RIC3: variants seen among roughly 807,000 people sequenced by gnomAD.
RIC3 encodes the protein protein RIC-3.
Under a neutral mutation model 27.3 loss-of-function variants are expected in RIC3, and 28 were observed. That is an observed-to-expected ratio of 1.02 (90% CI 0.76 to 1.41). The LOEUF (loss-of-function observed/expected upper bound fraction) is 1.41, where lower values mean the gene tolerates loss of function less well. Among genes scored for constraint, RIC3 ranks in the 40% most tolerant of loss-of-function variants. RIC3 has a pLI of 0.00. For synonymous variants in RIC3, 184 were observed against 160.4 expected, an observed-to-expected ratio of 1.15 and a Z score of -1.11; for missense variants, 501 against 444.7, an observed-to-expected ratio of 1.13 and a Z score of -1.14.
In RIC3 at chr11:8,115,537, G is replaced by A. The variant is rs796244504; in HGVS notation, c.671-4400C>T. 8.3e-4 allele frequency among the ~76,000 whole-genome samples: 126 copies of A among 152,254 alleles called. 1 individual carries two copies. The highest frequency in any genetic ancestry group is 3.0e-3 in the African/African-American group (123 of 41,550). Reference sequence around the variant, plus strand: ...TATATGAAAGTATAGGCTAGGTGCGGTGGCTAACGCCTGTAATCCCAGCAC... The same window carrying A: ...TATATGAAAGTATAGGCTAGGTGCGATGGCTAACGCCTGTAATCCCAGCAC... On this transcript the variant is annotated intron_variant, in intron 5 of 5. Coordinates refer to ENST00000309737, the MANE Select transcript of RIC3 (RefSeq NM_001206671.4).
chr11:8,101,858 C>CCA, downstream of RIC3: 2 of 479,310 alleles, frequency 4.2e-6, no homozygotes, highest in South Asian at 3.7e-5. Context: ...CTTTCCATGC[C>CCA]ACGAGATCAA....
chr11:8,134,786 A>T (rs927658409), intron 4 of RIC3, among the ~76,000 whole-genome samples: 8 of 152,080 alleles, frequency 5.3e-5, no homozygotes, highest in African/African-American at 1.9e-4. Flanking sequence ...TGGCTGCATA[A>T]ATGTCTTCTT....
At chr11:8,138,817 TC>T in intron 2 of RIC3, 1 of 236,842 alleles carries the variant, frequency 4.2e-6, no homozygotes, top group Admixed American at 4.9e-5. Flanking sequence ...TTCTCAGCAT[TC>T]CACAAGTTAG....
At chr11:8,101,853 C>T (rs1298816905), downstream of RIC3, 1 of 581,756 alleles carries the variant, frequency 1.7e-6, no homozygotes, top group African/African-American at 1.9e-5. Flanking sequence ...TAATTCTTTC[C>T]ATGCCACGAG....
chr11:8,112,677 C>T (rs558088290), intron 5 of RIC3, among the ~76,000 whole-genome samples: 13 of 152,110 alleles, frequency 8.5e-5, no homozygotes, highest in Non-Finnish European at 1.6e-4. Flanking sequence ...TTTTTCAATT[C>T]AACATTATAT....
intron 4 of RIC3, among the ~76,000 whole-genome samples, chr11:8,132,790 A>G (rs745608544): frequency 8.5e-5 from 13 of 152,202 alleles, no homozygotes; most frequent in Non-Finnish European, 1.3e-4. Context: ...CTTTACCCCC[A>G]GAAACCCAGA....
the RIC3 span, chr11:8,097,249 C>T: frequency 6.2e-7 from 1 of 1,614,118 alleles, no homozygotes; most frequent in Non-Finnish European, 8.5e-7. Context: ...AGCCCCTAGC[C>T]CAACAGCTCC....
At chr11:8,149,749 T>TG (rs1225344360) in intron 1 of RIC3, among the ~76,000 whole-genome samples, 2 of 152,212 alleles carry the variant, frequency 1.3e-5, no homozygotes, top group African/African-American at 2.4e-5. Context: ...TATGACGGGA[T>TG]GGGGGGTTCA....
At chr11:8,147,245 A>G (rs553460144) in intron 1 of RIC3, among the ~76,000 whole-genome samples, 1 of 152,326 alleles carries the variant, frequency 6.6e-6, no homozygotes, top group South Asian at 2.1e-4. Context: ...ATGTCTCCCT[A>G]AAATGTATAA....
At chr11:8,101,955 G>A (rs1304809654), downstream of RIC3, 3 of 313,042 alleles carry the variant, frequency 9.6e-6, no homozygotes, top group Non-Finnish European at 1.8e-5. Context: ...GCCGCAAGAG[G>A]CATAGAGGGA....
downstream of RIC3, chr11:8,101,866 C>T (rs1944323072): frequency 1.1e-5 from 6 of 551,598 alleles, no homozygotes; most frequent in African/African-American, 9.5e-5. Flanking sequence ...GCCACGAGAT[C>T]AACACACACT....
intron 4 of RIC3, chr11:8,128,255 A>G (rs755753361): frequency 6.9e-5 from 31 of 451,732 alleles, no homozygotes; most frequent in Non-Finnish European, 4.4e-5. Flanking sequence ...CAGGCGGCAC[A>G]TGTTACTTTT....
At chr11:8,150,733 G>A (rs191850622) in intron 1 of RIC3, among the ~76,000 whole-genome samples, 287 of 152,320 alleles carry the variant, frequency 1.9e-3, no homozygotes, top group Non-Finnish European at 3.2e-3. Context: ...AGGCAACTGA[G>A]AAGCCTGGAA....
Position 8,145,869 on chromosome 11 carries a change from A to T in RIC3, c.125-5676T>A, listed in dbSNP as rs184912976. Among the ~76,000 whole-genome samples, 717 of 152,330 alleles carry T rather than the reference A, an allele frequency of 4.7e-3. 12 individuals are homozygous for T. Among genetic ancestry groups the T allele is most frequent in the Admixed American group, 0.031 (468 of 15,304 alleles). On this transcript the variant is annotated intron_variant, in intron 1 of 5. Transcript: ENST00000309737. The stretch of plus-strand genomic sequence containing the variant: ...ACACTCTAAAAATAGAAATAAAAAA[A>T]TTGTTGGATTTGACTTGAACAAAAT...
intron 5 of RIC3, among the ~76,000 whole-genome samples, chr11:8,115,460 TC>T (rs1945739073): frequency 6.6e-6 from 1 of 152,096 alleles, no homozygotes; most frequent in Non-Finnish European, 1.5e-5. Flanking sequence ...AGGGTGTTCT[TC>T]AAGTAGAGAG....
At position 8,140,007 on chromosome 11, in the gene RIC3, C is replaced by T. The variant is rs774099357; in HGVS notation, c.311G>A (p.Gly104Asp). The T allele has an allele frequency of 1.7e-5, 28 of 1,613,902 alleles. No individual in the cohort carries two copies. The Admixed American group carries it at 2.0e-4, about 12-fold the overall frequency. ...GLMGQIIPIY[G>D]FGIFLYILYI... ...CAGTATATATAAAAAAATCCCAAAA[C>T]CGTAGATTGGAATAATCTGCCCCAT... Residue 104 changes from glycine (G) to aspartate (D), a missense_variant, in exon 2 of 6, where the codon GGT (glycine) becomes GAT (aspartate). By Grantham distance (94) the Gly-to-Asp change is moderately conservative (BLOSUM62 -1). Coordinates refer to ENST00000309737, the MANE Select transcript of RIC3 (RefSeq NM_001206671.4).
At chr11:8,138,532 A>C in intron 2 of RIC3, 185 bp from the exon 3 acceptor site, 1 of 535,408 alleles carries the variant, frequency 1.9e-6, no homozygotes, top group African/African-American at 1.9e-5. Flanking sequence ...CAAGTAAAAA[A>C]TTATCAAAGC....
At chr11:8,101,375 C>G, downstream of RIC3, 2 of 1,378,808 alleles carry the variant, frequency 1.5e-6, no homozygotes, top group Admixed American at 1.8e-5. Flanking sequence ...CCTGGCATCT[C>G]TGCTTCTCAC....
At chr11:8,101,372 T>C, downstream of RIC3, 1 of 1,345,622 alleles carries the variant, frequency 7.4e-7, no homozygotes, top group Non-Finnish European at 1.0e-6. Context: ...TCCCCTGGCA[T>C]CTCTGCTTCT....
Sources: gnomAD v4.1 joint callset for allele counts (sites outside exome capture counted in the v4.1 genomes callset) on GRCh38, gnomAD v4.1.1 for gene constraint, MANE v1.5 for transcripts, NCBI Gene and HGNC (gene_info 2026-07-23, HGNC 2026-07-21) for gene names.